NXPH1: variants seen among roughly 807,000 people sequenced by gnomAD.
The protein encoded by NXPH1 is neurexophilin 1, also known as neurexophilin-1.
Under a neutral mutation model 23.7 loss-of-function variants are expected in NXPH1, and 5 were observed. The observed-to-expected ratio is 0.21, with a 90% CI of 0.11 to 0.44. The LOEUF is 0.44. Among genes scored for constraint, NXPH1 ranks in the 20% least tolerant of loss-of-function variants. The pLI is 0.99. For synonymous variants in NXPH1, 144 were observed against 122.2 expected, an observed-to-expected ratio of 1.18 and a Z score of -1.18; for missense variants, 324 against 321.6, an observed-to-expected ratio of 1.01 and a Z score of -0.06.
At chr7:8,525,480 G>T (rs1397475914) in intron 2 of NXPH1, among the ~76,000 whole-genome samples, 2 of 152,182 alleles carry the variant, frequency 1.3e-5, no homozygotes, top group Non-Finnish European at 2.9e-5. Flanking sequence ...GTAGCAAGGA[G>T]CCTAATGTTA....
chr7:8,560,017 AG>A (rs1384201385), intron 2 of NXPH1, among the ~76,000 whole-genome samples: 2 of 151,714 alleles, frequency 1.3e-5, no homozygotes, highest in Admixed American at 1.3e-4. Flanking sequence ...TGCCGTCTTT[AG>A]GCATTATTTA....
intron 2 of NXPH1, among the ~76,000 whole-genome samples, chr7:8,459,087 TG>T (rs1816647717): frequency 6.6e-6 from 1 of 150,534 alleles, no homozygotes; most frequent in Non-Finnish European, 1.5e-5. Flanking sequence ...GATTTTTCCT[TG>T]ATTTTTTTTT....
At chr7:8,680,173 A>G (rs1176595128) in intron 2 of NXPH1, among the ~76,000 whole-genome samples, 1 of 152,262 alleles carries the variant, frequency 6.6e-6, no homozygotes, top group African/African-American at 2.4e-5. Context: ...AAGAAATTCA[A>G]TTCATTTCAA....
intron 2 of NXPH1, among the ~76,000 whole-genome samples, chr7:8,706,708 C>A (rs774693416): frequency 6.6e-6 from 1 of 152,106 alleles, no homozygotes; most frequent in African/African-American, 2.4e-5. Context: ...CTCAACAACA[C>A]GAATATTCCC....
chr7:8,751,636 C>T lies in NXPH1; in HGVS notation c.683C>T (p.Ser228Phe). ...CYQEQTQSHV[S>F]WLCSKPFKVI... Reference sequence around the variant, plus strand: ...CAGGAGCAAACCCAAAGTCATGTATCCTGGCTCTGCTCCAAGCCCTTTAAG... The same window carrying T: ...CAGGAGCAAACCCAAAGTCATGTATTCTGGCTCTGCTCCAAGCCCTTTAAG... The change falls in exon 3 of 3, where the codon TCC (serine) becomes TTC (phenylalanine). Residue 228 changes from serine to phenylalanine, a missense_variant. Transcript: ENST00000405863. The surrounding 1 kb of genome is among the most constrained non-coding windows in gnomAD (Gnocchi z 4.5). 2 of 1,613,488 alleles carry T rather than the reference C, an allele frequency of 1.2e-6. No individual in the cohort carries two copies. The highest frequency in any genetic ancestry group is 1.7e-6 in the Non-Finnish European group (2 of 1,179,704).
chr7:8,466,619 T>C (rs992248650), intron 2 of NXPH1, among the ~76,000 whole-genome samples: 1 of 152,176 alleles, frequency 6.6e-6, no homozygotes, highest in Admixed American at 6.5e-5. Context: ...TAGTTTTTAG[T>C]ATATCATTAA....
chr7:8,629,860 C>T (rs533643757), intron 2 of NXPH1, among the ~76,000 whole-genome samples: 1 of 152,144 alleles, frequency 6.6e-6, no homozygotes, highest in Non-Finnish European at 1.5e-5. Flanking sequence ...GTGCTTTTAT[C>T]AGCTCAAGCA....
chr7:8,630,971 A>C (rs140495172), intron 2 of NXPH1, among the ~76,000 whole-genome samples: 1 of 151,880 alleles, frequency 6.6e-6, no homozygotes, highest in African/African-American at 2.4e-5. Context: ...GTTCCCCTCT[A>C]TGTGTTCATG....
Position 8,435,458 on chromosome 7 carries a change from G to T in NXPH1, c.-110-146G>T, listed in dbSNP as rs1171143843. On this transcript the variant is annotated intron_variant, in intron 1 of 2. Coordinates refer to ENST00000405863, the MANE Select transcript of NXPH1 (RefSeq NM_152745.3). This position sits in a 1 kb window ranked among gnomAD's most constrained non-coding sequence, Gnocchi z 5.9. The stretch of plus-strand genomic sequence containing the variant: ...GCGCGCTTGCTGGTCTCAGGCGCTG[G>T]ATTTACTCGCTTTTCAATTTTTCGT... The T allele has an allele frequency of 8.9e-6, 5 of 559,898 alleles. No individual in the cohort carries two copies. The highest frequency in any genetic ancestry group is 1.6e-5 in the Non-Finnish European group (5 of 313,912). 34.7% of individuals were successfully genotyped at this position (559,898 alleles called of 1,614,324 possible).
At position 8,442,225 on chromosome 7, in the gene NXPH1, G is replaced by T. The variant is rs955708428; in HGVS notation, c.54+6458G>T. ...GGGAGACACAGGCCGCATCCAGAGC[G>T]CATCGCCTCATCTGCATGAGAATGG... On this transcript the variant is annotated intron_variant, in intron 2 of 2. Coordinates refer to ENST00000405863, the MANE Select transcript of NXPH1 (RefSeq NM_152745.3). The surrounding 1 kb of genome is among the most constrained non-coding windows in gnomAD (Gnocchi z 4.6). Among the ~76,000 whole-genome samples the T allele has an allele frequency of 1.3e-5, 2 of 152,204 alleles. No homozygotes were observed. Among genetic ancestry groups the T allele is most frequent in the Non-Finnish European group, 2.9e-5 (2 of 68,040 alleles).
chr7:8,618,903 C>A (rs137901544), intron 2 of NXPH1, among the ~76,000 whole-genome samples: 1,979 of 152,204 alleles, frequency 0.013, 40 homozygotes, highest in African/African-American at 0.045. Flanking sequence ...TATCTGGACC[C>A]AGTTTTTTTC....
At chr7:8,542,946 C>A (rs1441621201) in intron 2 of NXPH1, among the ~76,000 whole-genome samples, 2 of 151,484 alleles carry the variant, frequency 1.3e-5, no homozygotes, top group Non-Finnish European at 3.0e-5. Context: ...TAATGCATAG[C>A]GTAATTTTAT....
At chr7:8,703,112 T>TGAATGGA (rs1779652969) in intron 2 of NXPH1, among the ~76,000 whole-genome samples, 1 of 152,092 alleles carries the variant, frequency 6.6e-6, no homozygotes, top group Non-Finnish European at 1.5e-5. Flanking sequence ...TAATTGAAGT[T>TGAATGGA]GAATGGAAAC....
chr7:8,734,842 C>T (rs1281668261), intron 2 of NXPH1, among the ~76,000 whole-genome samples: 3 of 152,138 alleles, frequency 2.0e-5, no homozygotes, highest in Non-Finnish European at 4.4e-5. Context: ...TTGTAGTTCT[C>T]CTTGAAGAGG....
chr7:8,503,643 T>A (rs1040293994), intron 2 of NXPH1, among the ~76,000 whole-genome samples: 57 of 152,018 alleles, frequency 3.7e-4, no homozygotes, highest in African/African-American at 1.4e-3. Context: ...GATTTCCTGA[T>A]GCAGGTAAGG....
At chr7:8,522,387 A>T (rs972562859) in intron 2 of NXPH1, among the ~76,000 whole-genome samples, 1 of 152,218 alleles carries the variant, frequency 6.6e-6, no homozygotes, top group African/African-American at 2.4e-5. Flanking sequence ...TAGTTCATAC[A>T]ATTGAATGTG....
At chr7:8,575,863 T>C (rs1818745391) in intron 2 of NXPH1, among the ~76,000 whole-genome samples, 1 of 152,188 alleles carries the variant, frequency 6.6e-6, no homozygotes, top group Non-Finnish European at 1.5e-5. Context: ...AGCCTGTTGC[T>C]GGATCATAGT....
intron 2 of NXPH1, among the ~76,000 whole-genome samples, chr7:8,576,646 A>T (rs1427021042): frequency 6.6e-6 from 1 of 152,000 alleles, no homozygotes; most frequent in African/African-American, 2.4e-5. Flanking sequence ...TTGGGACCAG[A>T]TCGTACATGA....
intron 2 of NXPH1, among the ~76,000 whole-genome samples, chr7:8,547,546 A>G (rs748026932): frequency 6.6e-6 from 1 of 151,372 alleles, no homozygotes; most frequent in Non-Finnish European, 1.5e-5. Context: ...TTTCATGGGT[A>G]TATTGCATAC....
Sources: allele counts gnomAD v4.1 joint callset (sites outside exome capture counted in the v4.1 genomes callset), GRCh38; gene constraint gnomAD v4.1.1; non-coding constraint Gnocchi (gnomAD v3.1); transcripts MANE v1.5; gene names NCBI Gene and HGNC (gene_info 2026-07-23, HGNC 2026-07-21).